Variants in PAPPA2 observed in about 807,000 individuals in gnomAD.
PAPPA2 encodes pappalysin 2, also known as pappalysin-2.
A neutral mutation model predicts 176.4 loss-of-function variants in PAPPA2; 86 were observed. That is an observed-to-expected ratio of 0.49 (90% CI 0.41 to 0.58). PAPPA2 has a LOEUF of 0.58. PAPPA2 is among the 20% of genes least tolerant of loss of function. The pLI, the probability that PAPPA2 is intolerant of heterozygous loss-of-function variation, is 0.00. For missense variants in PAPPA2, 2,073 were observed against 2,256.9 expected (o/e 0.92, Z 1.65); for synonymous variants, 809 against 852.2 (o/e 0.95, Z 0.88).
chr1:176,481,668 C>G (rs571606645), intron 1 of PAPPA2, among the ~76,000 whole-genome samples: 1 of 152,172 alleles, frequency 6.6e-6, no homozygotes, highest in Non-Finnish European at 1.5e-5. Context: ...TTATACTCCT[C>G]TGATCTTGGA....
intron 14 of PAPPA2, among the ~76,000 whole-genome samples, chr1:176,760,207 TTTAA>T (rs1435351804): frequency 6.6e-6 from 1 of 152,216 alleles, no homozygotes; most frequent in African/African-American, 2.4e-5. Context: ...TAACACATGA[TTTAA>T]TTGTTTTTTT....
intron 2 of PAPPA2, among the ~76,000 whole-genome samples, chr1:176,586,827 C>T (rs1009201081): frequency 6.6e-6 from 1 of 152,154 alleles, no homozygotes; most frequent in Non-Finnish European, 1.5e-5. Context: ...ATTGCTGGGT[C>T]AAATGGTATT....
chr1:176,595,282 C>A lies in PAPPA2; in HGVS notation c.1678C>A (p.Arg560Ser). ...CGAGGCACTGAATGAGGCCTTCAGC[C>A]GCTACAACATCAGCTGGCAGCTGAG... ...QHEALNEAFS[R>S]YNISWQLSVH... Residue 560 changes from arginine (R) to serine (S), a missense_variant, in exon 3 of 23, where the codon CGC becomes AGC. Arg to Ser is a moderately radical substitution (Grantham distance 110, BLOSUM62 -1). This residue lies in a region of PAPPA2 where 1,196 missense variants were observed against 1,330.4 expected (regional missense o/e 0.90). Coordinates refer to ENST00000367662, the MANE Select transcript of PAPPA2 (RefSeq NM_020318.3). 1 of 1,614,172 alleles carries A rather than the reference C, an allele frequency of 6.2e-7. No individual in the cohort carries two copies. The highest frequency in any genetic ancestry group is 1.1e-5 in the South Asian group (1 of 91,082).
chr1:176,616,161 TG>T (rs1655247128), intron 3 of PAPPA2: 1 of 331,358 alleles, frequency 3.0e-6, no homozygotes, highest in Non-Finnish European at 5.9e-6. Flanking sequence ...AGTACTCCTA[TG>T]GAAGCTTCAT....
chr1:176,634,573 A>G (rs1005853947), intron 3 of PAPPA2, among the ~76,000 whole-genome samples: 1 of 151,850 alleles, frequency 6.6e-6, no homozygotes, highest in African/African-American at 2.4e-5. Flanking sequence ...CATGTATCCT[A>G]GAACTTTAAG....
chr1:176,664,083 A>G (rs2102762849), intron 3 of PAPPA2, among the ~76,000 whole-genome samples: 1 of 152,248 alleles, frequency 6.6e-6, no homozygotes, highest in African/African-American at 2.4e-5. Flanking sequence ...TTAAAGCCAG[A>G]TGTTCACTCT....
rs74127210 is a variant in PAPPA2 at position 176,595,956 on chromosome 1, A to G, written c.1991+361A>G. Reference sequence around the variant, plus strand: ...TTCATGGAGAACAAACAAGGCATCCAGGCCTAGACACCAGTCAATACTAAT... The same window carrying G: ...TTCATGGAGAACAAACAAGGCATCCGGGCCTAGACACCAGTCAATACTAAT... On this transcript the variant is annotated intron_variant, in intron 3 of 22. Transcript: ENST00000367662. 6.6e-3 allele frequency among the ~76,000 whole-genome samples: 1,001 copies of G among 152,350 alleles called. 15 individuals are homozygous for G. The highest frequency in any genetic ancestry group is 0.021 in the African/African-American group (853 of 41,584).
chr1:176,748,565 C>A (rs1302782129), intron 14 of PAPPA2, among the ~76,000 whole-genome samples: 2 of 151,974 alleles, frequency 1.3e-5, no homozygotes, highest in Non-Finnish European at 2.9e-5. Flanking sequence ...ATAATATCAT[C>A]AAAATGAAAT....
Position 176,595,130 on chromosome 1 carries a change from T to G in PAPPA2, c.1526T>G (p.Leu509Trp). ...CAAACAGTCTGTGACAATGTGGAATTGATCTCCCAGTACAATGGATACTGG... is the reference window on the plus strand; with the variant it reads ...CAAACAGTCTGTGACAATGTGGAATGGATCTCCCAGTACAATGGATACTGG... ...CGQTVCDNVE[L>W]ISQYNGYWPL... is the part of the protein sequence containing the mutation. The change falls in exon 3 of 23, where the codon TTG becomes TGG. Residue 509 changes from leucine to tryptophan, a missense_variant. By Grantham distance (61) the Leu-to-Trp change is moderately conservative (BLOSUM62 -2). Coordinates refer to ENST00000367662, the MANE Select transcript of PAPPA2 (RefSeq NM_020318.3). 3.1e-6 allele frequency: 5 copies of G among 1,614,190 alleles called. No homozygotes were observed. Among genetic ancestry groups the G allele is most frequent in the Non-Finnish European group, 4.2e-6 (5 of 1,180,038 alleles).
chr1:176,621,949 A>G (rs1655624330), intron 3 of PAPPA2, among the ~76,000 whole-genome samples: 1 of 152,160 alleles, frequency 6.6e-6, no homozygotes, highest in Non-Finnish European at 1.5e-5. Flanking sequence ...AATTTGAAAT[A>G]TTTCACAGCT....
In PAPPA2 at chr1:176,793,513, G is replaced by A. The variant is rs75235777; in HGVS notation, c.5021-47G>A. 1,819 of 1,462,130 alleles carry A rather than the reference G, an allele frequency of 1.2e-3. 29 individuals are homozygous for A. In the East Asian group the frequency reaches 0.031, roughly 25 times the overall value. The allele number at this position is 1,462,130 out of a possible 1,614,324, so 90.6% of individuals were successfully genotyped here. On this transcript the variant is annotated intron_variant, in intron 19 of 22. Coordinates refer to ENST00000367662, the MANE Select transcript of PAPPA2 (RefSeq NM_020318.3). ...TATTGATTCCTGAAAGAAAAAGAAT[G>A]AGATCTGGGAAGTTCAAGTCTCTGC... is the stretch of plus-strand genomic sequence containing the variant.
intron 12 of PAPPA2, among the ~76,000 whole-genome samples, chr1:176,725,905 T>G (rs370787410): frequency 5.3e-4 from 81 of 152,200 alleles, no homozygotes; most frequent in African/African-American, 1.7e-3. Flanking sequence ...TCACTCTCCC[T>G]AGTAGCTGGG....
chr1:176,696,079 G>A (rs1376830312), intron 7 of PAPPA2, among the ~76,000 whole-genome samples: 1 of 151,684 alleles, frequency 6.6e-6, no homozygotes, highest in Non-Finnish European at 1.5e-5. Flanking sequence ...TAACATGGAG[G>A]CCCCATGGCT....
At position 176,556,993 on chromosome 1, in the gene PAPPA2, A is replaced by G. The variant is rs763532093; in HGVS notation, c.671A>G (p.Lys224Arg). Residue 224 changes from lysine (K) to arginine (R), a missense_variant, in exon 2 of 23, where the codon AAG becomes AGG. Physicochemically the swap from Lys to Arg is conservative, Grantham distance 26 (BLOSUM62 2). Transcript: ENST00000367662. ...TCTTCACATTTCCAACCTTGGCCCA[A>G]GCATTCCCTTAAACACAGGGTCAAA... is the stretch of plus-strand genomic sequence containing the variant. The part of the protein sequence containing the change: ...GISSHFQPWP[K>R]HSLKHRVKKS... 1.5e-5 allele frequency: 24 copies of G among 1,614,032 alleles called. No homozygotes were observed. Among genetic ancestry groups the G allele is most frequent in the Middle Eastern group, 1.6e-4 (1 of 6,084 alleles).
At position 176,595,342 on chromosome 1, in the gene PAPPA2, C is replaced by T. The variant is rs771214241; in HGVS notation, c.1738C>T (p.Arg580Trp). ...HQVHNSTLRHRVVLVNCEPSK... is the reference protein window; with the variant it reads ...HQVHNSTLRHWVVLVNCEPSK... ...GGTCCACAATTCCACCCTGCGACACCGGGTTGTGCTTGTGAACTGTGAGCC... is the reference window on the plus strand; with the variant it reads ...GGTCCACAATTCCACCCTGCGACACTGGGTTGTGCTTGTGAACTGTGAGCC... The change falls in exon 3 of 23, where the codon CGG becomes TGG. Residue 580 changes from arginine to tryptophan, a missense_variant. Arg to Trp is a moderately radical substitution (Grantham distance 101, BLOSUM62 -3). This residue lies in a region of PAPPA2 where 1,196 missense variants were observed against 1,330.4 expected (regional missense o/e 0.90). Transcript: ENST00000367662. The T allele has an allele frequency of 9.9e-6, 16 of 1,614,182 alleles. No individual in the cohort carries two copies. The highest frequency in any genetic ancestry group is 3.3e-5 in the Admixed American group (2 of 60,026).
intron 6 of PAPPA2, among the ~76,000 whole-genome samples, chr1:176,693,377 C>T (rs1021358138): frequency 2.0e-5 from 3 of 152,208 alleles, no homozygotes; most frequent in Non-Finnish European, 2.9e-5. Context: ...GAGGTGAACT[C>T]GGGAGTCCAG....
At position 176,589,967 on chromosome 1, in the gene PAPPA2, CT is replaced by C. The variant is rs1444798107; in HGVS notation, c.920-4556del. Among the ~76,000 whole-genome samples the C allele has an allele frequency of 3.6e-4, 55 of 152,282 alleles. 2 individuals are homozygous for C. Among genetic ancestry groups the C allele is most frequent in the Non-Finnish European group, 1.5e-5 (1 of 68,022 alleles). Reference sequence around the variant, plus strand: ...GTCAAGAAAGTAGGGCTGAGGGTCCCTCCTGGGAGCATGTGGGGACCTGTGC... The same window carrying C: ...GTCAAGAAAGTAGGGCTGAGGGTCCCCCTGGGAGCATGTGGGGACCTGTGC... On this transcript the variant is annotated intron_variant, in intron 2 of 22. Coordinates refer to ENST00000367662, the MANE Select transcript of PAPPA2 (RefSeq NM_020318.3).
rs1292191852 is a variant in PAPPA2 at position 176,699,128 on chromosome 1, G to A, written c.2775G>A (p.Glu925=). Residue 925 remains glutamate (E), a synonymous_variant, in exon 8 of 23, where the codon GAG becomes GAA. Coordinates refer to ENST00000367662, the MANE Select transcript of PAPPA2 (RefSeq NM_020318.3). ...CTCCTGATGTGGATCAGCCCTGCGA[G>A]CCAAGCTTACAGGCCTGGAGCCCTG... The part of the protein sequence containing the change: ...VGPPDVDQPC[E]PSLQAWSPEV... 8.1e-6 allele frequency: 13 copies of A among 1,613,722 alleles called. No homozygotes were observed. The highest frequency in any genetic ancestry group is 6.7e-5 in the African/African-American group (5 of 74,894).
At chr1:176,546,208 G>A (rs1650627740) in intron 1 of PAPPA2, among the ~76,000 whole-genome samples, 1 of 152,160 alleles carries the variant, frequency 6.6e-6, no homozygotes, top group Non-Finnish European at 1.5e-5. Flanking sequence ...TCTAAAACCT[G>A]TAATGCCCCT....
Sources: gnomAD v4.1 joint callset for allele counts (sites outside exome capture counted in the v4.1 genomes callset) on GRCh38, gnomAD v4.1.1 for gene constraint, gnomAD v4.1.1 regional missense constraint, MANE v1.5 for transcripts, NCBI Gene and HGNC (gene_info 2026-07-23, HGNC 2026-07-21) for gene names.